The following SLC35F2 variants were observed in gnomAD, a reference collection of about 807,000 sequenced individuals.
The protein encoded by SLC35F2 is queuine/queuosine transporter SLC35F2.
A neutral mutation model predicts 38.1 loss-of-function variants in SLC35F2; 25 were observed. The observed-to-expected ratio is 0.66, with a 90% confidence interval of 0.48 to 0.92. SLC35F2 has a LOEUF of 0.92. Among genes scored for constraint, SLC35F2 ranks in the 40% least tolerant of loss-of-function variants. The pLI, the probability that SLC35F2 is intolerant of heterozygous loss-of-function variation, is 0.00. For synonymous variants in SLC35F2, 173 were observed against 181.7 expected (o/e 0.95, Z 0.38); for missense variants, 409 against 452.9 (o/e 0.90, Z 0.88).
chr11:107,825,288 T>C (rs1859736192), intron 1 of SLC35F2, among the ~76,000 whole-genome samples: 1 of 152,130 alleles, frequency 6.6e-6, no homozygotes, highest in Non-Finnish European at 1.5e-5. Flanking sequence ...ATATGAATCA[T>C]CTAAGGCTCT....
rs113946955 is a variant in SLC35F2 at position 107,791,630 on chromosome 11, T to G, written c.*985A>C. The G allele has an allele frequency of 6.6e-6, 1 of 152,186 alleles. No individual in the cohort carries two copies. Among genetic ancestry groups the G allele is most frequent in the African/African-American group, 2.4e-5 (1 of 41,416 alleles). 9.4% of individuals were successfully genotyped at this position (152,186 alleles called of 1,614,324 possible). A position where few individuals can be genotyped will look rare whatever the true frequency, so the allele number is the denominator to read the frequency against. On this transcript the variant is annotated 3_prime_UTR_variant, in exon 8 of 8. Transcript: ENST00000525815. ...GGTTCACATCTGTAATCCTAGCACT[T>G]TCGGAGGCCGAGGTGGGCAGATCGC...
In SLC35F2 at chr11:107,806,672, A is replaced by G. The variant is rs578157773; in HGVS notation, c.574+45T>C. On this transcript the variant is annotated intron_variant, in intron 4 of 7. Transcript: ENST00000525815. The stretch of plus-strand genomic sequence containing the variant: ...TGTTGATATAAAAGTGAAAACATAA[A>G]CAAATTTGCTGTGATTGAAGCACAA... 10 of 1,358,656 alleles carry G rather than the reference A, an allele frequency of 7.4e-6. No homozygotes were observed. In the East Asian group the frequency reaches 2.2e-4, roughly 30 times the overall value. The allele number at this position is 1,358,656 out of a possible 1,614,324, so 84.2% of individuals were successfully genotyped here.
chr11:107,792,724 G>A lies in SLC35F2; in HGVS notation c.1016C>T (p.Thr339Met), dbSNP rs374138023. The A allele has an allele frequency of 2.2e-5, 35 of 1,613,772 alleles. No individual in the cohort carries two copies. The highest frequency in any genetic ancestry group is 4.5e-5 in the East Asian group (2 of 44,860). Residue 339 changes from threonine to methionine, a missense_variant, in exon 8 of 8, where the codon ACG becomes ATG. Coordinates refer to ENST00000525815, the MANE Select transcript of SLC35F2 (RefSeq NM_017515.5). ...FILYCSTPTR[T>M]AEPAESSVPP... ...CACGCTGCTTTCAGCCGGCTCGGCCGTGCGAGTAGGGGTGGAGCAGTACAG... is the reference window on the plus strand; with the variant it reads ...CACGCTGCTTTCAGCCGGCTCGGCCATGCGAGTAGGGGTGGAGCAGTACAG...
At chr11:107,823,091 A>G in intron 1 of SLC35F2, 1 of 947,578 alleles carries the variant, frequency 1.1e-6, no homozygotes, top group Non-Finnish European at 1.3e-6. Context: ...CTGATTATAT[A>G]TTTAAAAATC....
chr11:107,847,838 G>A (rs1860122887), intron 1 of SLC35F2, among the ~76,000 whole-genome samples: 1 of 152,330 alleles, frequency 6.6e-6, no homozygotes, highest in East Asian at 1.9e-4. Flanking sequence ...GCAGATCAGT[G>A]TCTCTGAACC....
intron 1 of SLC35F2, among the ~76,000 whole-genome samples, chr11:107,836,585 A>G (rs896150849): frequency 1.3e-5 from 2 of 152,242 alleles, no homozygotes; most frequent in African/African-American, 4.8e-5. Flanking sequence ...CAGAAGGCTC[A>G]GAGAGATGCA....
rs138297917 is a variant in SLC35F2 at position 107,839,854 on chromosome 11, T to C, written c.110+18804A>G. ...TTTTAGTAGATATGGGGTTTCTGCA[T>C]GTTAGTCAGGCTGGTCTCAAACTCC... On this transcript the variant is annotated intron_variant, in intron 1 of 7. Coordinates refer to ENST00000525815, the MANE Select transcript of SLC35F2 (RefSeq NM_017515.5). Among the ~76,000 whole-genome samples the C allele has an allele frequency of 3.8e-4, 58 of 152,326 alleles. 1 individual carries two copies. The highest frequency in any genetic ancestry group is 1.3e-3 in the African/African-American group (56 of 41,574).
chr11:107,809,747 C>A, intron 3 of SLC35F2: 1 of 982,588 alleles, frequency 1.0e-6, no homozygotes, highest in African/African-American at 1.7e-5. Context: ...CTAAGACAGA[C>A]CCTGCGACAT....
At position 107,820,743 on chromosome 11, in the gene SLC35F2, G is replaced by A. The variant is rs572766382; in HGVS notation, c.111-4778C>T. Among the ~76,000 whole-genome samples the A allele has an allele frequency of 2.0e-5, 3 of 152,238 alleles. No individual in the cohort carries two copies. In the South Asian group the frequency reaches 6.2e-4, roughly 32 times the overall value. ...GGCTGAGGCGGGCGGATCACTTGAG[G>A]TCAGGAGTTCAAGACCAACCTGGCT... On this transcript the variant is annotated intron_variant, in intron 1 of 7. Transcript: ENST00000525815.
At chr11:107,806,535 C>T (rs1859392942) in intron 4 of SLC35F2, 182 bp downstream of exon 4, 2 of 599,578 alleles carry the variant, frequency 3.3e-6, no homozygotes, top group East Asian at 6.2e-5. Flanking sequence ...TGGATGAATT[C>T]ATAGACCTCA....
intron 1 of SLC35F2, among the ~76,000 whole-genome samples, chr11:107,817,158 C>G (rs987628399): frequency 5.9e-5 from 9 of 152,020 alleles, no homozygotes; most frequent in Admixed American, 2.6e-4. Context: ...CGCCTGTAAT[C>G]CCAGCTACTC....
chr11:107,819,917 C>T (rs746275341), intron 1 of SLC35F2, among the ~76,000 whole-genome samples: 7 of 151,990 alleles, frequency 4.6e-5, no homozygotes, highest in Admixed American at 6.6e-5. Flanking sequence ...TCATACTGTC[C>T]GTAAAAGGCA....
chr11:107,802,006 A>G (rs1273519464), intron 7 of SLC35F2, among the ~76,000 whole-genome samples: 1 of 152,160 alleles, frequency 6.6e-6, no homozygotes, highest in Non-Finnish European at 1.5e-5. Flanking sequence ...TGGGAGGCTG[A>G]GGCAGGCAGA....
Position 107,803,104 on chromosome 11 carries a change from A to T in SLC35F2, c.836T>A (p.Met279Lys). The stretch of plus-strand genomic sequence containing the variant: ...ACTAGTGACTTTAATCACCAATGGC[A>T]TGAAGCTGTACAGGCAAAACATACA... ...ALCMFCLYSF[M>K]PLVIKVTSAT... The change falls in exon 7 of 8, where the codon ATG becomes AAG. Residue 279 changes from methionine to lysine, a missense_variant. By Grantham distance (95) the Met-to-Lys change is moderately conservative. Coordinates refer to ENST00000525815, the MANE Select transcript of SLC35F2 (RefSeq NM_017515.5). The T allele has an allele frequency of 6.2e-7, 1 of 1,614,078 alleles. No individual in the cohort carries two copies. Among genetic ancestry groups the T allele is most frequent in the Non-Finnish European group, 8.5e-7 (1 of 1,179,976 alleles).
chr11:107,837,378 A>C (rs1051589931), intron 1 of SLC35F2, among the ~76,000 whole-genome samples: 1 of 152,110 alleles, frequency 6.6e-6, no homozygotes, highest in African/African-American at 2.4e-5. Flanking sequence ...TGTTCTTTAC[A>C]TTCTGCCATG....
At chr11:107,816,015 TACAC>T (rs370565333) in intron 1 of SLC35F2, 50 bp from the exon 2 acceptor site, 15,163 of 1,208,384 alleles carry the variant, frequency 0.013, 6 homozygotes, top group African/African-American at 0.019. Context: ...AGTTATACCT[TACAC>T]ACACACACAC....
chr11:107,826,556 T>A (rs1324120343), intron 1 of SLC35F2, among the ~76,000 whole-genome samples: 1 of 152,192 alleles, frequency 6.6e-6, no homozygotes, highest in East Asian at 1.9e-4. Flanking sequence ...AACAAAACTT[T>A]TTAAAAGTTG....
intron 1 of SLC35F2, among the ~76,000 whole-genome samples, chr11:107,844,331 GAAA>G: frequency 6.6e-6 from 1 of 152,010 alleles, no homozygotes; most frequent in East Asian, 1.9e-4. Context: ...ACCTGCCGCA[GAAA>G]GTTATTATAA....
chr11:107,796,966 C>T (rs911424274), intron 7 of SLC35F2, among the ~76,000 whole-genome samples: 1 of 152,094 alleles, frequency 6.6e-6, no homozygotes, highest in African/African-American at 2.4e-5. Context: ...AGCCACCATG[C>T]CCAGCCTAAG....
Sources: gnomAD v4.1 joint callset for allele counts (sites outside exome capture counted in the v4.1 genomes callset) on GRCh38, gnomAD v4.1.1 for gene constraint, MANE v1.5 for transcripts, NCBI Gene and HGNC (gene_info 2026-07-23, HGNC 2026-07-21) for gene names.